CHD6: variants seen among roughly 807,000 people sequenced by gnomAD.
CHD6 encodes chromodomain helicase DNA binding protein 6.
In CHD6, 50 loss-of-function variants were observed where a neutral mutation model predicts 276.9. The observed-to-expected ratio is 0.18, with a 90% CI of 0.14 to 0.23. The LOEUF (loss-of-function observed/expected upper bound fraction) is 0.23, where lower values mean the gene tolerates loss of function less well. CHD6 is among the 10% of genes least tolerant of loss of function. The pLI is 1.00. For missense variants in CHD6, 2,564 were observed against 3,365.8 expected (o/e 0.76, Z 5.89); for synonymous variants, 1,173 against 1,229.3 (o/e 0.95, Z 0.96).
chr20:41,405,827 C>T (rs1025699145), intron 36 of CHD6, among the ~76,000 whole-genome samples: 1 of 152,132 alleles, frequency 6.6e-6, no homozygotes, highest in Non-Finnish European at 1.5e-5. Context: ...ACTAAAAGTG[C>T]TCTGGTTCTC....
At chr20:41,436,372 G>C (rs1247778435) in intron 27 of CHD6, among the ~76,000 whole-genome samples, 1 of 152,180 alleles carries the variant, frequency 6.6e-6, no homozygotes, top group Non-Finnish European at 1.5e-5. Flanking sequence ...TGTTGGTGTG[G>C]ATGGAGAATA....
At chr20:41,532,202 G>A (rs977810702) in intron 3 of CHD6, among the ~76,000 whole-genome samples, 6 of 152,108 alleles carry the variant, frequency 3.9e-5, no homozygotes, top group Non-Finnish European at 8.8e-5. Flanking sequence ...ATGCACTCTG[G>A]TCTCTCTGTA....
chr20:41,454,582 A>T (rs1312014119), intron 20 of CHD6, 44 bp downstream of exon 20: 2 of 1,416,956 alleles, frequency 1.4e-6, no homozygotes, highest in Non-Finnish European at 2.0e-6. Flanking sequence ...GTCATGTATG[A>T]CATAAGTGAA....
intron 36 of CHD6, among the ~76,000 whole-genome samples, chr20:41,405,882 T>C (rs554330202): frequency 6.6e-6 from 1 of 152,004 alleles, no homozygotes; most frequent in Non-Finnish European, 1.5e-5. Flanking sequence ...ATCCCAACAC[T>C]TGCCTTCCTC....
At position 41,405,261 on chromosome 20, in the gene CHD6, C is replaced by T. The variant is rs369533037; in HGVS notation, c.7480G>A (p.Gly2494Arg). The T allele has an allele frequency of 3.7e-5, 60 of 1,614,048 alleles. No homozygotes were observed. In the Middle Eastern group the frequency reaches 8.2e-4, roughly 22 times the overall value. ...MRNMPGIPLTGLVGFPAGFAT... is the reference protein window; with the variant it reads ...MRNMPGIPLTRLVGFPAGFAT... ...AAGCCAGCTGGAAACCCCACCAGCCCGGTGAGGGGGATGCCTGGCATATTT... is the reference window on the plus strand; with the variant it reads ...AAGCCAGCTGGAAACCCCACCAGCCTGGTGAGGGGGATGCCTGGCATATTT... Residue 2494 changes from glycine to arginine, a missense_variant, in exon 37 of 37, where the codon GGG becomes AGG. By Grantham distance (125) the Gly-to-Arg change is moderately radical. Around this residue, in one of 7 missense-constraint regions of CHD6, gnomAD observed 25 missense variants for 50.8 expected, o/e 0.49. Coordinates refer to ENST00000373233, the MANE Select transcript of CHD6 (RefSeq NM_032221.5).
intron 3 of CHD6, among the ~76,000 whole-genome samples, chr20:41,525,528 G>T (rs1243895717): frequency 6.6e-6 from 1 of 152,118 alleles, no homozygotes; most frequent in Non-Finnish European, 1.5e-5. Context: ...GATCCCACTG[G>T]ACTTCTTTGT....
At chr20:41,580,649 A>G (rs1174324677) in intron 1 of CHD6, among the ~76,000 whole-genome samples, 4 of 150,888 alleles carry the variant, frequency 2.7e-5, no homozygotes, top group South Asian at 2.1e-4. Flanking sequence ...CAGTCTCAAA[A>G]AAAAAAAAAA....
intron 1 of CHD6, among the ~76,000 whole-genome samples, chr20:41,568,881 C>T (rs1431039963): frequency 5.3e-5 from 8 of 152,218 alleles, no homozygotes; most frequent in Admixed American, 2.0e-4. Flanking sequence ...AACTCTGGCA[C>T]CTCCTGCACT....
At chr20:41,617,020 C>T (rs968164299) in intron 1 of CHD6, among the ~76,000 whole-genome samples, 1 of 152,134 alleles carries the variant, frequency 6.6e-6, no homozygotes, top group African/African-American at 2.4e-5. Context: ...ATTGGGGGCC[C>T]ATTGGGATGG....
rs1260318918 is a variant in CHD6, at chr20:41,454,746, A to G, written c.3010-10T>C. 25 of 1,591,714 alleles carry G rather than the reference A, an allele frequency of 1.6e-5. No homozygotes were observed. The highest frequency in any genetic ancestry group is 2.2e-5 in the Non-Finnish European group (25 of 1,162,216). Reference sequence around the variant, plus strand: ...AAGCCACAAAGCTAGCCTGTGAAGAAGACAAGAATTAATAAACTGTGCTTG... The same window carrying G: ...AAGCCACAAAGCTAGCCTGTGAAGAGGACAAGAATTAATAAACTGTGCTTG... On this transcript the variant is annotated splice_polypyrimidine_tract_variant and intron_variant, in intron 19 of 36. Coordinates refer to ENST00000373233, the MANE Select transcript of CHD6 (RefSeq NM_032221.5).
In CHD6 at chr20:41,416,778, T is replaced by C; in HGVS notation, c.6296A>G (p.Asn2099Ser). 3 of 1,588,152 alleles carry C rather than the reference T, an allele frequency of 1.9e-6. No homozygotes were observed. Among genetic ancestry groups the C allele is most frequent in the East Asian group, 2.3e-5 (1 of 44,190 alleles). ...SEWPKDRVII[N>S]RLDNICHVVL... ...CACGTGGCAGATATTATCTAGGCGG[T>C]TAATTATCACGCGGTCCTAGAAAAA... is the stretch of plus-strand genomic sequence containing the variant. The change falls in exon 33 of 37, where the codon AAC becomes AGC. Residue 2099 changes from asparagine to serine, a missense_variant. This residue lies in a region of CHD6 where 1,024 missense variants were observed against 1,047.9 expected (regional missense o/e 0.98). Transcript: ENST00000373233.
chr20:41,515,875 G>A (rs74586053), intron 3 of CHD6, among the ~76,000 whole-genome samples: 1,579 of 152,286 alleles, frequency 0.01, 26 homozygotes, highest in African/African-American at 0.035. Context: ...TGCATAGTAA[G>A]TATTCAATTA....
Position 41,473,224 on chromosome 20 carries a change from A to G in CHD6, c.2664+98T>C, listed in dbSNP as rs1355876447. The G allele has an allele frequency of 1.7e-6, 2 of 1,154,836 alleles. No individual in the cohort carries two copies. Among genetic ancestry groups the G allele is most frequent in the East Asian group, 2.4e-5 (1 of 41,292 alleles). The allele number at this position is 1,154,836 out of a possible 1,614,324, so 71.5% of individuals were successfully genotyped here. A position where few individuals can be genotyped will look rare whatever the true frequency, so the allele number is the denominator to read the frequency against. On this transcript the variant is annotated intron_variant, in intron 17 of 36. Coordinates refer to ENST00000373233, the MANE Select transcript of CHD6 (RefSeq NM_032221.5). The surrounding 1 kb of genome is among the most constrained non-coding windows in gnomAD (Gnocchi z 4.1). ...CCTGTCATCCAGCTGACACCATAGC[A>G]TAGAGCATCACGGATGCTCTGTAGC...
chr20:41,555,231 G>A (rs1449987515), intron 1 of CHD6, among the ~76,000 whole-genome samples: 2 of 135,588 alleles, frequency 1.5e-5, no homozygotes, highest in African/African-American at 2.9e-5. Context: ...GGCCGGGTGG[G>A]GGGCTGACCC....
chr20:41,546,597 C>T (rs1287849390), intron 2 of CHD6, among the ~76,000 whole-genome samples: 3 of 152,110 alleles, frequency 2.0e-5, no homozygotes, highest in Non-Finnish European at 2.9e-5. Context: ...ATCATTGTTT[C>T]GTTGTTGCTA....
intron 3 of CHD6, among the ~76,000 whole-genome samples, chr20:41,516,780 G>A (rs1412061906): frequency 2.6e-5 from 4 of 152,114 alleles, no homozygotes; most frequent in Non-Finnish European, 5.9e-5. Context: ...CGTGAAAAGG[G>A]CCATGAAAGC....
intron 17 of CHD6, among the ~76,000 whole-genome samples, chr20:41,468,558 T>A (rs1351930227): frequency 1.3e-5 from 2 of 152,214 alleles, no homozygotes; most frequent in African/African-American, 2.4e-5. Context: ...CTCCAATACT[T>A]TAAGTAACAC....
chr20:41,533,074 G>T lies in CHD6; in HGVS notation c.530C>A (p.Ala177Asp). ...CCTGGCCTTCCTGGACTTCGTCCTGGCTGCAGAGTCAGTGCAGCTCCTCTT... is the reference window on the plus strand; with the variant it reads ...CCTGGCCTTCCTGGACTTCGTCCTGTCTGCAGAGTCAGTGCAGCTCCTCTT... ...KEKRSCTDSA[A>D]RTKSRKASKE... The change falls in exon 3 of 37, where the codon GCC (alanine) becomes GAC (aspartate). Residue 177 changes from alanine (A) to aspartate (D), a missense_variant. Physicochemically the swap from Ala to Asp is moderately radical, Grantham distance 126. Coordinates refer to ENST00000373233, the MANE Select transcript of CHD6 (RefSeq NM_032221.5). The T allele has an allele frequency of 6.2e-7, 1 of 1,602,320 alleles. No individual in the cohort carries two copies. The highest frequency in any genetic ancestry group is 8.5e-7 in the Non-Finnish European group (1 of 1,176,560).
chr20:41,465,204 C>T (rs6072381), intron 17 of CHD6, among the ~76,000 whole-genome samples: 19,903 of 152,084 alleles, frequency 0.13, 1,554 homozygotes, highest in East Asian at 0.18. Flanking sequence ...AATATTCACT[C>T]AGAAGATACT....
Sources: allele counts gnomAD v4.1 joint callset (sites outside exome capture counted in the v4.1 genomes callset), GRCh38; gene constraint gnomAD v4.1.1; regional missense constraint gnomAD v4.1.1; non-coding constraint Gnocchi (gnomAD v3.1); transcripts MANE v1.5; gene names NCBI Gene and HGNC (gene_info 2026-07-23, HGNC 2026-07-21).